SHKBP1: variants seen among roughly 807,000 people sequenced by gnomAD.
SHKBP1 encodes SH3KBP1 binding protein 1, also known as SH3KBP1-binding protein 1.
A neutral mutation model predicts 83.9 loss-of-function variants in SHKBP1; 71 were observed. The ratio of observed to expected loss-of-function variants is 0.85; its 90% CI spans 0.70 to 1.03. SHKBP1 has a LOEUF of 1.03. Among genes scored for constraint, SHKBP1 ranks in the 50% least tolerant of loss-of-function variants. The probability of loss-of-function intolerance (pLI) is 0.00; values close to 1 mark genes in which losing one functional copy is unlikely to be tolerated. For missense variants in SHKBP1, 824 were observed against 982.4 expected (o/e 0.84, Z 2.16); for synonymous variants, 371 against 398.0 (o/e 0.93, Z 0.81).
At chr19:40,587,485 G>C (rs575940152) in intron 13 of SHKBP1, among the ~76,000 whole-genome samples, 1 of 152,342 alleles carries the variant, frequency 6.6e-6, no homozygotes, top group African/African-American at 2.4e-5. Flanking sequence ...CCGCTACTCG[G>C]GAGGCCGAGG....
intron 6 of SHKBP1, 91 bp from the exon 7 acceptor site, chr19:40,580,232 TG>T: frequency 7.0e-7 from 1 of 1,427,076 alleles, no homozygotes. Context: ...GTCCCACACA[TG>T]GGGAAATCAA....
At chr19:40,580,255 T>C (rs2081256613) in intron 6 of SHKBP1, 69 bp from the exon 7 acceptor site, 2 of 1,542,664 alleles carry the variant, frequency 1.3e-6, no homozygotes, top group Non-Finnish European at 1.8e-6. Context: ...CACCGTCATA[T>C]TTTAAGTGCT....
At chr19:40,588,492 A>C in intron 13 of SHKBP1, 132 bp from the exon 14 acceptor site, 1 of 1,142,600 alleles carries the variant, frequency 8.8e-7, no homozygotes, top group South Asian at 1.4e-5. Context: ...TGGGGAGGAA[A>C]GGATTCTCTG....
In SHKBP1 at chr19:40,580,339, G is replaced by A. The variant is rs146113659; in HGVS notation, c.416G>A (p.Arg139Gln). 1,678 of 1,614,004 alleles carry A rather than the reference G, an allele frequency of 1.0e-3. 2 individuals carry two copies. The highest frequency in any genetic ancestry group is 1.3e-3 in the Non-Finnish European group (1,514 of 1,179,908). The change falls in exon 7 of 18, where the codon CGG (arginine) becomes CAG (glutamine). Residue 139 changes from arginine (R) to glutamine (Q), a missense_variant. Physicochemically the swap from Arg to Gln is conservative, Grantham distance 43. This residue lies in a region of SHKBP1 where 355 missense variants were observed against 386.4 expected (regional missense o/e 0.92). Coordinates refer to ENST00000291842, the MANE Select transcript of SHKBP1 (RefSeq NM_138392.4). ...YLPPPVFPVK[R>Q]RNRHSLVGPQ... is the part of the protein sequence containing the mutation. ...CTCACTGTAGTGTTCCCAGTGAAGC[G>A]GCGGAACCGGCACAGCCTAGTGGGG...
At chr19:40,583,119 G>A (rs1295236381) in intron 10 of SHKBP1, among the ~76,000 whole-genome samples, 3 of 152,032 alleles carry the variant, frequency 2.0e-5, no homozygotes, top group Admixed American at 2.0e-4. Flanking sequence ...CGCCAGCCTG[G>A]GAAACATAAT....
At chr19:40,578,639 G>C in intron 6 of SHKBP1, 97 bp downstream of exon 6, 1 of 1,062,552 alleles carries the variant, frequency 9.4e-7, no homozygotes. Context: ...TGTGCGTCCT[G>C]AGATACAGTG....
At chr19:40,578,026 A>C (rs1230746394) in intron 4 of SHKBP1, 128 bp from the exon 5 acceptor site, 2 of 768,164 alleles carry the variant, frequency 2.6e-6, no homozygotes, top group Non-Finnish European at 4.6e-6. Context: ...ATCACTCCTT[A>C]GCATCTTTAT....
rs2145992376 is a variant in SHKBP1, at chr19:40,586,932, C to T, written c.1324C>T (p.His442Tyr). 6.2e-7 allele frequency: 1 copy of T among 1,601,434 alleles called. No individual in the cohort carries two copies. Among genetic ancestry groups the T allele is most frequent in the Non-Finnish European group, 8.5e-7 (1 of 1,170,806 alleles). The change falls in exon 13 of 18, where the codon CAC (histidine) becomes TAC (tyrosine). Residue 442 changes from histidine to tyrosine, a missense_variant. Physicochemically the swap from His to Tyr is moderately conservative, Grantham distance 83. Around this residue, in one of 3 missense-constraint regions of SHKBP1, gnomAD observed 182 missense variants for 273.1 expected, o/e 0.67. Coordinates refer to ENST00000291842, the MANE Select transcript of SHKBP1 (RefSeq NM_138392.4). ...CACCAAGATCATGCTGTCGGAGAAG[C>T]ACCTCATCTCAGGTGAGCCTCTGTG... ...PVTKIMLSEK[H>Y]LISVCADNNH...
chr19:40,576,894 G>A lies in SHKBP1; in HGVS notation c.-6G>A, dbSNP rs547875810. On this transcript the variant is annotated 5_prime_UTR_variant, in exon 1 of 18. Transcript: ENST00000291842. Reference sequence around the variant, plus strand: ...GGGTGCGGGCCAGCCGGCTCGCCCGGGGGCCATGGCAGCAGCGGCTACTGC... The same window carrying A: ...GGGTGCGGGCCAGCCGGCTCGCCCGAGGGCCATGGCAGCAGCGGCTACTGC... 1 of 1,455,562 alleles carries A rather than the reference G, an allele frequency of 6.9e-7. No homozygotes were observed. Among genetic ancestry groups the A allele is most frequent in the African/African-American group, 1.4e-5 (1 of 69,482 alleles). 90.2% of individuals were successfully genotyped at this position (1,455,562 alleles called of 1,614,324 possible).
At chr19:40,584,910 C>T (rs1457618830) in intron 12 of SHKBP1, among the ~76,000 whole-genome samples, 1 of 152,122 alleles carries the variant, frequency 6.6e-6, no homozygotes, top group Non-Finnish European at 1.5e-5. Context: ...ATTATATGGT[C>T]TTTTGTGTCT....
In SHKBP1 at chr19:40,589,131, G is replaced by A; in HGVS notation, c.1542G>A (p.Val514=). ...DDQQVFIQKV[V]PSASQLFVRL... ...AGCAAGTGTTCATCCAGAAGGTGGT[G>A]CCCAGTGCCAGCCAGCTCTTCGTGC... The change falls in exon 15 of 18, where the codon GTG becomes GTA. Residue 514 remains valine (V), a synonymous_variant. Transcript: ENST00000291842. 6.2e-7 allele frequency: 1 copy of A among 1,613,470 alleles called. No individual in the cohort carries two copies. The highest frequency in any genetic ancestry group is 8.5e-7 in the Non-Finnish European group (1 of 1,179,970).
chr19:40,584,710 C>T (rs997266170), intron 12 of SHKBP1, among the ~76,000 whole-genome samples: 1 of 152,146 alleles, frequency 6.6e-6, no homozygotes, highest in African/African-American at 2.4e-5. Context: ...CAATCTCTGC[C>T]TCTTGGGTTC....
intron 12 of SHKBP1, among the ~76,000 whole-genome samples, chr19:40,585,147 C>A (rs1010672274): frequency 1.3e-5 from 2 of 152,128 alleles, no homozygotes; most frequent in Non-Finnish European, 2.9e-5. Flanking sequence ...TGCTCTGTTG[C>A]CCAGGCTAGA....
At position 40,580,594 on chromosome 19, in the gene SHKBP1, C is replaced by T; in HGVS notation, c.591C>T (p.Arg197=). The T allele has an allele frequency of 6.2e-7, 1 of 1,614,186 alleles. No homozygotes were observed. The highest frequency in any genetic ancestry group is 8.5e-7 in the Non-Finnish European group (1 of 1,180,028). ...SGQPEEPGMV[R]LVCGHHNWIA... is the part of the protein sequence containing the mutation. The stretch of plus-strand genomic sequence containing the variant: ...AACCTGAGGAGCCGGGGATGGTGCG[C>T]CTGGTGTGTGGACACCATAATTGGA... The change falls in exon 8 of 18, where the codon CGC becomes CGT. Residue 197 remains arginine (R), a synonymous_variant. Coordinates refer to ENST00000291842, the MANE Select transcript of SHKBP1 (RefSeq NM_138392.4).
Position 40,580,433 on chromosome 19 carries a change from T to C in SHKBP1, c.510T>C (p.Asn170=), listed in dbSNP as rs2081258811. The C allele has an allele frequency of 6.2e-7, 1 of 1,614,004 alleles. No homozygotes were observed. Among genetic ancestry groups the C allele is most frequent in the Non-Finnish European group, 8.5e-7 (1 of 1,179,996 alleles). ...RSNTMPPNLG[N]AGLLGRMLDE... ...ACACGATGCCCCCCAACCTTGGCAA[T>C]GCAGGGCTGCTGGGCCGAATGCTGG... Residue 170 remains asparagine (N), a synonymous_variant, in exon 7 of 18, where the codon AAT becomes AAC. Transcript: ENST00000291842.
At chr19:40,582,176 C>T (rs980935707) in intron 9 of SHKBP1, among the ~76,000 whole-genome samples, 175 bp from the exon 10 acceptor site, 1 of 152,142 alleles carries the variant, frequency 6.6e-6, no homozygotes, top group African/African-American at 2.4e-5. Context: ...CCCACCTGAG[C>T]CTCTCAAAGT....
chr19:40,590,738 C>T lies in SHKBP1; in HGVS notation c.1777C>T (p.Leu593=). 1 of 1,591,398 alleles carries T rather than the reference C, an allele frequency of 6.3e-7. No homozygotes were observed. Among genetic ancestry groups the T allele is most frequent in the Non-Finnish European group, 8.6e-7 (1 of 1,163,234 alleles). ...DGLGQAPAGG[L]TEQELMEQLE... ...GCTTCCGTGCCCCCCAGCAGGTGGC[C>T]TGACGGAGCAAGAGCTGATGGAACA... Residue 593 remains leucine, a synonymous_variant, in exon 17 of 18, where the codon CTG becomes TTG. Transcript: ENST00000291842. The surrounding 1 kb of genome is among the most constrained non-coding windows in gnomAD (Gnocchi z 4.6).
intron 9 of SHKBP1, among the ~76,000 whole-genome samples, chr19:40,581,243 G>T (rs1024240949): frequency 6.6e-6 from 1 of 152,188 alleles, no homozygotes; most frequent in African/African-American, 2.4e-5. Context: ...CGGTGCGGTG[G>T]CTCATGCTTG....
chr19:40,582,236 C>T, intron 9 of SHKBP1, 115 bp from the exon 10 acceptor site: 1 of 832,792 alleles, frequency 1.2e-6, no homozygotes, highest in Non-Finnish European at 2.1e-6. Context: ...ATGGAATCTT[C>T]TATCCTTCAA....
Sources: gnomAD v4.1 joint callset for allele counts (sites outside exome capture counted in the v4.1 genomes callset) on GRCh38, gnomAD v4.1.1 for gene constraint, gnomAD v4.1.1 regional missense constraint, Gnocchi (gnomAD v3.1) non-coding constraint, MANE v1.5 for transcripts, NCBI Gene and HGNC (gene_info 2026-07-23, HGNC 2026-07-21) for gene names.